The following THG1L variants were observed in gnomAD, a reference collection of about 807,000 sequenced individuals.
THG1L encodes tRNA-histidine guanylyltransferase 1 like, also known as probable tRNA(His) guanylyltransferase.
THG1L carries 27 observed loss-of-function variants against 35.2 expected under a neutral mutation model. That is an observed-to-expected ratio of 0.77 (90% CI 0.57 to 1.06). The LOEUF (loss-of-function observed/expected upper bound fraction) is 1.06. THG1L is among the 50% of genes least tolerant of loss of function. The pLI is 0.00. For synonymous variants in THG1L, 135 were observed against 132.4 expected (o/e 1.02, Z -0.14); for missense variants, 377 against 371.8 (o/e 1.01, Z -0.12).
rs771956377 is a variant in THG1L, at chr5:157,739,390, C to T, written c.805C>T (p.Arg269Trp). ...GGAAGGAAAAAAGATGGCAGTGACC[C>T]GGACCAGGACAAAGCCAGTGCCCTT... ...EMEGKKMAVTRTRTKPVPLHC... is the reference protein window; with the variant it reads ...EMEGKKMAVTWTRTKPVPLHC... The change falls in exon 6 of 6, where the codon CGG (arginine) becomes TGG (tryptophan). Residue 269 changes from arginine (R) to tryptophan (W), a missense_variant. By Grantham distance (101) the Arg-to-Trp change is moderately radical. Transcript: ENST00000231198. 1.1e-5 allele frequency: 17 copies of T among 1,613,642 alleles called. No individual in the cohort carries two copies. In the African/African-American group the frequency reaches 1.3e-4, roughly 13 times the overall value.
At chr5:157,738,033 A>G in intron 5 of THG1L, 39 bp downstream of exon 5, 1 of 1,528,114 alleles carries the variant, frequency 6.5e-7, no homozygotes, top group Non-Finnish European at 9.0e-7. Flanking sequence ...GAAGTCAGGA[A>G]AAAAGATAGC....
At chr5:157,733,640 A>AT (rs1290464863) in intron 2 of THG1L, among the ~76,000 whole-genome samples, 4 of 150,332 alleles carry the variant, frequency 2.7e-5, no homozygotes, top group South Asian at 4.5e-4. Flanking sequence ...CTGAATTGGC[A>AT]TTTTTTTTAC....
intron 2 of THG1L, among the ~76,000 whole-genome samples, chr5:157,733,932 A>T (rs1032909986): frequency 6.6e-5 from 10 of 152,182 alleles, no homozygotes; most frequent in Non-Finnish European, 1.3e-4. Context: ...TGATTGTGCC[A>T]ATCCACCCCA....
intron 1 of THG1L, 28 bp downstream of exon 1, chr5:157,731,659 G>C (rs1760723091): frequency 1.3e-6 from 2 of 1,575,378 alleles, no homozygotes; most frequent in African/African-American, 2.7e-5. Flanking sequence ...GGGGCGTCGC[G>C]ATGCGCCAGC....
At position 157,741,385 on chromosome 5, in the gene THG1L, AC is replaced by A. The variant is rs2113059086; in HGVS notation, c.*1904del. On this transcript the variant is annotated 3_prime_UTR_variant, in exon 6 of 6. Coordinates refer to ENST00000231198, the MANE Select transcript of THG1L (RefSeq NM_017872.5). ...TTCTCACTCCACAGAAAGAGGAGAT[AC>A]GGTTCTTGTTTGGTAATTGCTAAAA... 6.6e-6 allele frequency: 1 copy of A among 152,254 alleles called. No homozygotes were observed. Among genetic ancestry groups the A allele is most frequent in the South Asian group, 2.1e-4 (1 of 4,826 alleles). The allele number at this position is 152,254 out of a possible 1,614,324, so 9.4% of individuals were successfully genotyped here.
At chr5:157,737,822 G>A in intron 4 of THG1L, 65 bp from the exon 5 acceptor site, 3 of 1,289,906 alleles carry the variant, frequency 2.3e-6, no homozygotes, top group Non-Finnish European at 3.3e-6. Context: ...TGGGTCGAAT[G>A]GATAGTAGCA....
chr5:157,734,967 C>T (rs1289589796), intron 3 of THG1L, among the ~76,000 whole-genome samples: 14 of 148,880 alleles, frequency 9.4e-5, no homozygotes, highest in South Asian at 2.1e-4. Context: ...GACAGAGTTT[C>T]GCTCTTGTTG....
intron 1 of THG1L, among the ~76,000 whole-genome samples, chr5:157,732,381 C>T (rs978976845): frequency 9.2e-5 from 14 of 151,962 alleles, no homozygotes. Context: ...CCTGGGAGGT[C>T]AAGGCTGCAG....
intron 2 of THG1L, among the ~76,000 whole-genome samples, chr5:157,733,442 C>T (rs979845100): frequency 2.6e-5 from 4 of 152,126 alleles, no homozygotes; most frequent in African/African-American, 9.7e-5. Flanking sequence ...TTTGATTTGG[C>T]AGTATTTTGA....
Position 157,731,462 on chromosome 5 carries a change from A to C in THG1L, c.22A>C (p.Lys8Gln). The C allele has an allele frequency of 6.2e-7, 1 of 1,604,888 alleles. No homozygotes were observed. The change falls in exon 1 of 6, where the codon AAG (lysine) becomes CAG (glutamine). Residue 8 changes from lysine (K) to glutamine (Q), a missense_variant. Transcript: ENST00000231198. The part of the protein sequence containing the change: MWGACKV[K>Q]VHDSLATISI... ...TAGAATGTGGGGCGCCTGTAAAGTT[A>C]AGGTTCACGATTCCTTGGCCACCAT... is the stretch of plus-strand genomic sequence containing the variant.
chr5:157,736,195 C>G (rs1158634005), intron 4 of THG1L, among the ~76,000 whole-genome samples: 1 of 151,664 alleles, frequency 6.6e-6, no homozygotes, highest in African/African-American at 2.4e-5. Context: ...TTCCCACGTG[C>G]TAACACTTGC....
intron 2 of THG1L, among the ~76,000 whole-genome samples, chr5:157,733,629 C>T (rs541376622): frequency 3.3e-5 from 5 of 152,172 alleles, no homozygotes; most frequent in Admixed American, 3.3e-4. Context: ...CCACGCCCAG[C>T]CTGAATTGGC....
intron 5 of THG1L, 56 bp from the exon 6 acceptor site, chr5:157,739,265 T>A (rs1364671851): frequency 4.5e-6 from 7 of 1,564,036 alleles, no homozygotes; most frequent in African/African-American, 1.4e-5. Context: ...ATCTTTCCTT[T>A]CTCTCCCAAA....
intron 4 of THG1L, 143 bp downstream of exon 4, chr5:157,736,077 A>G: frequency 1.6e-6 from 1 of 628,844 alleles, no homozygotes. Flanking sequence ...AAATCATAAT[A>G]GGAGCAGCTC....
Position 157,740,389 on chromosome 5 carries a change from A to G in THG1L, c.*907A>G, listed in dbSNP as rs1761004045. 1 of 152,210 alleles carries G rather than the reference A, an allele frequency of 6.6e-6. No individual in the cohort carries two copies. The highest frequency in any genetic ancestry group is 2.4e-5 in the African/African-American group (1 of 41,438). The allele number at this position is 152,210 out of a possible 1,614,324, so 9.4% of individuals were successfully genotyped here. ...AGGGGTAAACATCCTCTGCTAATCG[A>G]CAGGTAGCAGGTGTCAGAGGAGGCA... is the stretch of plus-strand genomic sequence containing the variant. On this transcript the variant is annotated 3_prime_UTR_variant, in exon 6 of 6. Transcript: ENST00000231198.
intron 1 of THG1L, among the ~76,000 whole-genome samples, chr5:157,732,593 A>C (rs1227709839): frequency 6.6e-6 from 1 of 152,206 alleles, no homozygotes; most frequent in Non-Finnish European, 1.5e-5. Context: ...TCTTCTCCCT[A>C]ATCTTCAGGA....
intron 4 of THG1L, 56 bp downstream of exon 4, chr5:157,735,990 C>A: frequency 1.7e-6 from 2 of 1,194,396 alleles, no homozygotes; most frequent in Non-Finnish European, 2.4e-6. Context: ...TGTAGGCTCT[C>A]CCATAACTTT....
At chr5:157,735,314 T>A (rs1760843243) in intron 3 of THG1L, among the ~76,000 whole-genome samples, 2 of 151,622 alleles carry the variant, frequency 1.3e-5, no homozygotes, top group African/African-American at 4.8e-5. Context: ...AGACAAAGCC[T>A]GTTCAGTGGC....
rs1319948295 is a variant in THG1L at position 157,739,863 on chromosome 5, C to T, written c.*381C>T. The T allele has an allele frequency of 6.4e-6, 1 of 156,490 alleles. No individual in the cohort carries two copies. Among genetic ancestry groups the T allele is most frequent in the East Asian group, 1.8e-4 (1 of 5,410 alleles). 9.7% of individuals were successfully genotyped at this position (156,490 alleles called of 1,614,324 possible). On this transcript the variant is annotated 3_prime_UTR_variant, in exon 6 of 6. Transcript: ENST00000231198. ...AGAGAAGAGGAGCCCAAACTCTCGC[C>T]CACCTGTTCTTAACCAGAAAACCCA... is the stretch of plus-strand genomic sequence containing the variant.
Sources: allele counts gnomAD v4.1 joint callset (sites outside exome capture counted in the v4.1 genomes callset), GRCh38; gene constraint gnomAD v4.1.1; transcripts MANE v1.5; gene names NCBI Gene and HGNC (gene_info 2026-07-23, HGNC 2026-07-21).